The following KIF13A variants were observed in gnomAD, a reference collection of about 807,000 sequenced individuals.
KIF13A encodes kinesin family member 13A.
Under a neutral mutation model 212.2 loss-of-function variants are expected in KIF13A, and 79 were observed. That is an observed-to-expected ratio of 0.37 (90% confidence interval 0.31 to 0.45). KIF13A has a LOEUF of 0.45. KIF13A is among the 20% of genes least tolerant of loss of function. The probability of loss-of-function intolerance (pLI) is 1.00; values close to 1 mark genes in which losing one functional copy is unlikely to be tolerated. For missense variants in KIF13A, 1,901 were observed against 2,209.0 expected (o/e 0.86, Z 2.79); for synonymous variants, 789 against 808.6 (o/e 0.98, Z 0.41).
At chr6:17,907,413 G>C (rs944658579) in intron 2 of KIF13A, among the ~76,000 whole-genome samples, 1 of 152,214 alleles carries the variant, frequency 6.6e-6, no homozygotes, top group Non-Finnish European at 1.5e-5. Context: ...AATCCATGTG[G>C]ATGTTCAATG....
Position 17,850,606 on chromosome 6 carries a change from G to T in KIF13A, c.583-149C>A. On this transcript the variant is annotated intron_variant, in intron 7 of 38. Coordinates refer to ENST00000259711, the MANE Select transcript of KIF13A (RefSeq NM_022113.6). This position sits in a 1 kb window ranked among gnomAD's most constrained non-coding sequence, Gnocchi z 6.2. ...CCCTGCCGCTCCTCCATTGAGCATG[G>T]TTTGAGCTTCCACCTCACTCAAGAC... 2 of 704,356 alleles carry T rather than the reference G, an allele frequency of 2.8e-6. No homozygotes were observed. Among genetic ancestry groups the T allele is most frequent in the East Asian group, 2.8e-5 (1 of 35,180 alleles). The allele number at this position is 704,356 out of a possible 1,614,324, so 43.6% of individuals were successfully genotyped here.
intron 9 of KIF13A, among the ~76,000 whole-genome samples, chr6:17,845,887 C>T (rs1025614705): frequency 2.6e-5 from 4 of 152,164 alleles, no homozygotes; most frequent in African/African-American, 9.7e-5. Context: ...GTTCCTAAAT[C>T]CACAGCCCAT....
chr6:17,859,133 T>C (rs1483200912), intron 4 of KIF13A, among the ~76,000 whole-genome samples: 4 of 152,216 alleles, frequency 2.6e-5, no homozygotes, highest in African/African-American at 7.2e-5. Context: ...ATGTGTCTTT[T>C]TCCTTGGTAG....
chr6:17,905,386 G>A (rs1301260345), intron 2 of KIF13A, among the ~76,000 whole-genome samples: 1 of 152,182 alleles, frequency 6.6e-6, no homozygotes, highest in Non-Finnish European at 1.5e-5. Context: ...ATGCAAGAGA[G>A]ACAGATACAT....
chr6:17,978,611 C>A (rs1780796412), intron 2 of KIF13A, among the ~76,000 whole-genome samples: 2 of 152,120 alleles, frequency 1.3e-5, no homozygotes, highest in South Asian at 4.1e-4. Flanking sequence ...CAGAAAATTT[C>A]TTTAAATTTT....
rs148947854 is a variant in KIF13A, at chr6:17,850,808, C to A, written c.583-351G>T. Among the ~76,000 whole-genome samples the A allele has an allele frequency of 8.9e-4, 135 of 152,264 alleles. No individual in the cohort carries two copies. Among genetic ancestry groups the A allele is most frequent in the African/African-American group, 2.9e-3 (119 of 41,540 alleles). On this transcript the variant is annotated intron_variant, in intron 7 of 38. Coordinates refer to ENST00000259711, the MANE Select transcript of KIF13A (RefSeq NM_022113.6). This position sits in a 1 kb window ranked among gnomAD's most constrained non-coding sequence, Gnocchi z 6.2. The stretch of plus-strand genomic sequence containing the variant: ...CTCTTACTCTCCTGTGCTTACCAAC[C>A]CGCTGATGCCTGCCTGTCTGCCTCC...
chr6:17,976,303 GGCGGGCTGCAGGTC>G (rs1175474523), intron 2 of KIF13A, among the ~76,000 whole-genome samples: 6 of 152,230 alleles, frequency 3.9e-5, no homozygotes, highest in Admixed American at 3.3e-4. Context: ...GCTCAGGCAT[GGCGGGCTGCAGGTC>G]GCGAGCCCTG....
At chr6:17,818,156 A>T (rs1356478755) in intron 16 of KIF13A, among the ~76,000 whole-genome samples, 3 of 152,186 alleles carry the variant, frequency 2.0e-5, no homozygotes, top group Admixed American at 6.5e-5. Flanking sequence ...ATCACAGTTA[A>T]TATTTCCCAG....
chr6:17,817,242 C>T lies in KIF13A; in HGVS notation c.1787-9G>A, dbSNP rs776170058. 8 of 1,612,670 alleles carry T rather than the reference C, an allele frequency of 5.0e-6. No individual in the cohort carries two copies. Among genetic ancestry groups the T allele is most frequent in the African/African-American group, 4.0e-5 (3 of 74,886 alleles). On this transcript the variant is annotated splice_polypyrimidine_tract_variant and intron_variant, in intron 16 of 38. Coordinates refer to ENST00000259711, the MANE Select transcript of KIF13A (RefSeq NM_022113.6). ...CACATTTTGAACTGGGTCTAGTGAG[C>T]CAAGAGACAAGGCAAGGTGTCTTAG...
intron 9 of KIF13A, among the ~76,000 whole-genome samples, chr6:17,847,269 C>T (rs1767160060): frequency 1.3e-5 from 2 of 152,200 alleles, no homozygotes; most frequent in Non-Finnish European, 2.9e-5. Flanking sequence ...TTCACACTCC[C>T]ATTTCTGCCT....
intron 2 of KIF13A, among the ~76,000 whole-genome samples, chr6:17,942,832 G>A (rs1263602371): frequency 6.6e-6 from 1 of 151,890 alleles, no homozygotes; most frequent in East Asian, 1.9e-4. Flanking sequence ...ACAAAAATTA[G>A]CTGGGCGTGG....
chr6:17,974,616 G>T (rs970462962), intron 2 of KIF13A, among the ~76,000 whole-genome samples: 2 of 151,876 alleles, frequency 1.3e-5, no homozygotes, highest in Non-Finnish European at 2.9e-5. Flanking sequence ...CTAAGTTTTA[G>T]AGTAGTTAAG....
At chr6:17,814,895 A>T (rs914770431) in intron 17 of KIF13A, among the ~76,000 whole-genome samples, 44 of 152,200 alleles carry the variant, frequency 2.9e-4, no homozygotes, top group African/African-American at 9.9e-4. Flanking sequence ...GAGATGAGAG[A>T]TCATAGAAAT....
At chr6:17,873,963 T>C (rs948559954) in intron 3 of KIF13A, among the ~76,000 whole-genome samples, 1 of 152,216 alleles carries the variant, frequency 6.6e-6, no homozygotes, top group African/African-American at 2.4e-5. Context: ...TGAAAATTAC[T>C]ATTTATCTAG....
intron 20 of KIF13A, among the ~76,000 whole-genome samples, chr6:17,800,760 C>T (rs1762408578): frequency 6.6e-6 from 1 of 152,024 alleles, no homozygotes; most frequent in Non-Finnish European, 1.5e-5. Flanking sequence ...GCCACCATGC[C>T]TAGCTAATTT....
chr6:17,987,126 T>C lies in KIF13A; in HGVS notation c.74A>G (p.Lys25Arg), dbSNP rs749637872. 4 of 1,613,006 alleles carry C rather than the reference T, an allele frequency of 2.5e-6. No individual in the cohort carries two copies. Among genetic ancestry groups the C allele is most frequent in the East Asian group, 4.5e-5 (2 of 44,802 alleles). Residue 25 changes from lysine (K) to arginine (R), a missense_variant, in exon 2 of 39, where the codon AAG becomes AGG. This residue lies in a region of KIF13A where 506 missense variants were observed against 637.4 expected (regional missense o/e 0.79). Transcript: ENST00000259711. This position sits in a 1 kb window ranked among gnomAD's most constrained non-coding sequence, Gnocchi z 7.7. ...ATTCCCTTCCATCTCCACCACGCACTTGGTGTTCAGTTCCAGTTCTGAAAG... is the reference window on the plus strand; with the variant it reads ...ATTCCCTTCCATCTCCACCACGCACCTGGTGTTCAGTTCCAGTTCTGAAAG... ...MNRRELELNTKCVVEMEGNQT... is the reference protein window; with the variant it reads ...MNRRELELNTRCVVEMEGNQT...
At chr6:17,877,317 T>C (rs925086637) in intron 3 of KIF13A, among the ~76,000 whole-genome samples, 2 of 152,196 alleles carry the variant, frequency 1.3e-5, no homozygotes, top group African/African-American at 2.4e-5. Flanking sequence ...ACTCTGGTTT[T>C]ATAATAACCA....
At chr6:17,790,274 G>A (rs993911886) in intron 25 of KIF13A, among the ~76,000 whole-genome samples, 23 of 152,100 alleles carry the variant, frequency 1.5e-4, no homozygotes, top group African/African-American at 5.3e-4. Context: ...ATTTGGTAGT[G>A]TGCAACTGTA....
rs12213935 is a variant in KIF13A, at chr6:17,900,311, C to T, written c.147-2131G>A. On this transcript the variant is annotated intron_variant, in intron 2 of 38. Transcript: ENST00000259711. This position sits in a 1 kb window ranked among gnomAD's most constrained non-coding sequence, Gnocchi z 4.6. ...TGGTTTGTAGTCAGTAGTACGTTCACCTTCTTAGCTGTCAATAACAAAATT... is the reference window on the plus strand; with the variant it reads ...TGGTTTGTAGTCAGTAGTACGTTCATCTTCTTAGCTGTCAATAACAAAATT... Among the ~76,000 whole-genome samples the T allele has an allele frequency of 0.026, 3,945 of 152,308 alleles. 71 individuals are homozygous for T. The highest frequency in any genetic ancestry group is 0.042 in the Non-Finnish European group (2,842 of 68,022).
Sources: gnomAD v4.1 joint callset for allele counts (sites outside exome capture counted in the v4.1 genomes callset) on GRCh38, gnomAD v4.1.1 for gene constraint, gnomAD v4.1.1 regional missense constraint, Gnocchi (gnomAD v3.1) non-coding constraint, MANE v1.5 for transcripts, NCBI Gene and HGNC (gene_info 2026-07-23, HGNC 2026-07-21) for gene names.